Variants in EPM2A observed in about 807,000 individuals in gnomAD.
The protein encoded by EPM2A is laforin.
In EPM2A, 21 loss-of-function variants were observed where a neutral mutation model predicts 26.5. The ratio of observed to expected loss-of-function variants is 0.79; its 90% confidence interval spans 0.56 to 1.14. EPM2A has a LOEUF of 1.14. Ranked by LOEUF, EPM2A falls within the 50% of genes most tolerant of loss-of-function variation. The pLI, the probability that EPM2A is intolerant of heterozygous loss-of-function variation, is 0.00. For synonymous variants in EPM2A, 217 were observed against 177.6 expected, an observed-to-expected ratio of 1.22 and a Z score of -1.76; for missense variants, 458 against 440.8, an observed-to-expected ratio of 1.04 and a Z score of -0.35.
chr6:145,507,068 A>T (rs1342646380), intron 2 of EPM2A, among the ~76,000 whole-genome samples: 1 of 152,230 alleles, frequency 6.6e-6, no homozygotes, highest in Non-Finnish European at 1.5e-5. Context: ...CACCCAGCCA[A>T]GACTGTGGTT....
At chr6:145,450,055 T>G (rs920873181) in intron 4 of EPM2A, among the ~76,000 whole-genome samples, 1 of 151,856 alleles carries the variant, frequency 6.6e-6, no homozygotes, top group Admixed American at 6.6e-5. Flanking sequence ...AAAGAGGATG[T>G]AGAAAAACTG....
rs1780006048 is a variant in EPM2A at position 145,508,259 on chromosome 6, C to T, written c.341-5684G>A. Among the ~76,000 whole-genome samples, 4 of 152,204 alleles carry T rather than the reference C, an allele frequency of 2.6e-5. No individual in the cohort carries two copies. In the South Asian group the frequency reaches 8.3e-4, roughly 32 times the overall value. ...TGGGCTTCTCCATTGGCTCTACCCC[C>T]ACCAAAGGTGAGCATGAGCTGAGGG... On this transcript the variant is annotated intron_variant, in intron 2 of 3. Transcript: ENST00000450221.
intron 2 of EPM2A, among the ~76,000 whole-genome samples, chr6:145,504,355 G>C (rs1779939256): frequency 8.8e-6 from 1 of 113,452 alleles, no homozygotes; most frequent in Admixed American, 8.8e-5. Context: ...TCTGACAAAG[G>C]GCTAATATCC....
At chr6:145,590,620 T>C (rs1781260966) in intron 2 of EPM2A, among the ~76,000 whole-genome samples, 1 of 152,126 alleles carries the variant, frequency 6.6e-6, no homozygotes, top group Non-Finnish European at 1.5e-5. Flanking sequence ...TGCAAGCCAC[T>C]GACTTAAGGT....
chr6:145,698,703 T>C lies in EPM2A; in HGVS notation c.302-12407A>G, dbSNP rs188465118. ...GAATATCCCATTGTTATGGACTGTA[T>C]TGTGTCTCCCCCACCCCAAAATTTA... On this transcript the variant is annotated intron_variant, in intron 1 of 3. Transcript: ENST00000367519. Among the ~76,000 whole-genome samples, 165 of 152,280 alleles carry C rather than the reference T, an allele frequency of 1.1e-3. 2 individuals are homozygous for C. Among genetic ancestry groups the C allele is most frequent in the Admixed American group, 3.4e-3 (52 of 15,298 alleles).
intron 4 of EPM2A, among the ~76,000 whole-genome samples, chr6:145,458,155 T>C (rs1382208462): frequency 1.3e-5 from 2 of 152,360 alleles, no homozygotes; most frequent in East Asian, 1.9e-4. Flanking sequence ...TTTACTTAAG[T>C]ATATGTCCCT....
At chr6:145,703,669 T>C (rs751694764) in intron 1 of EPM2A, among the ~76,000 whole-genome samples, 3 of 152,242 alleles carry the variant, frequency 2.0e-5, no homozygotes, top group Non-Finnish European at 2.9e-5. Flanking sequence ...CTGATCTTCA[T>C]GCTGTAGGAT....
intron 1 of EPM2A, among the ~76,000 whole-genome samples, chr6:145,708,982 G>C (rs1378005674): frequency 6.6e-6 from 1 of 152,310 alleles, no homozygotes; most frequent in East Asian, 1.9e-4. Flanking sequence ...TTTAATGACT[G>C]TCCTATTGGT....
rs1005034915 is a variant in EPM2A, at chr6:145,520,243, C to G, written c.341-17668G>C. On this transcript the variant is annotated intron_variant, in intron 2 of 3. Transcript: ENST00000450221. The stretch of plus-strand genomic sequence containing the variant: ...CTGTACTTTTTCTCTTTTCCATTCA[C>G]TTTTCTGCCTGTTGCATCTGCCTGC... Among the ~76,000 whole-genome samples, 27 of 152,260 alleles carry G rather than the reference C, an allele frequency of 1.8e-4. 1 individual carries two copies. The highest frequency in any genetic ancestry group is 2.6e-4 in the Non-Finnish European group (18 of 68,002).
intron 4 of EPM2A, among the ~76,000 whole-genome samples, chr6:145,453,363 C>G (rs1312008635): frequency 6.6e-6 from 1 of 152,012 alleles, no homozygotes; most frequent in Non-Finnish European, 1.5e-5. Flanking sequence ...CAGATGATTC[C>G]CCATTCCCTG....
chr6:145,711,422 A>T (rs1387362876), intron 1 of EPM2A, among the ~76,000 whole-genome samples: 1 of 152,202 alleles, frequency 6.6e-6, no homozygotes, highest in Non-Finnish European at 1.5e-5. Flanking sequence ...ACAGAGATTG[A>T]TAATGAGTTG....
chr6:145,697,488 C>T (rs1781668028), intron 1 of EPM2A, among the ~76,000 whole-genome samples: 1 of 152,142 alleles, frequency 6.6e-6, no homozygotes, highest in Non-Finnish European at 1.5e-5. Flanking sequence ...TGAGAGCAGA[C>T]AACTGGTCTG....
downstream of EPM2A, among the ~76,000 whole-genome samples, chr6:145,497,590 G>A (rs545672785): frequency 1.3e-3 from 63 of 47,730 alleles, no homozygotes; most frequent in African/African-American, 4.0e-3. Flanking sequence ...CTGTTGTATT[G>A]CTTCCGTCTG....
intron 4 of EPM2A, among the ~76,000 whole-genome samples, chr6:145,385,520 G>A (rs1392248478): frequency 6.6e-6 from 1 of 152,134 alleles, no homozygotes; most frequent in Admixed American, 6.5e-5. Flanking sequence ...TACCAAATCT[G>A]GTTGTGATTG....
chr6:145,649,596 G>A (rs1777729069), intron 2 of EPM2A, among the ~76,000 whole-genome samples: 1 of 152,134 alleles, frequency 6.6e-6, no homozygotes, highest in Non-Finnish European at 1.5e-5. Context: ...GGGGAAACCT[G>A]GACCACATGA....
intron 1 of EPM2A, among the ~76,000 whole-genome samples, chr6:145,718,879 T>C (rs1050030152): frequency 5.9e-5 from 9 of 152,058 alleles, no homozygotes; most frequent in Admixed American, 2.6e-4. Flanking sequence ...AAAATGCTCA[T>C]CATCACTGGC....
chr6:145,532,227 A>AG (rs1780367558), intron 2 of EPM2A, among the ~76,000 whole-genome samples: 1 of 152,152 alleles, frequency 6.6e-6, no homozygotes, highest in South Asian at 2.1e-4. Context: ...AAAACAGAAA[A>AG]GGGGGAGATG....
intron 4 of EPM2A, among the ~76,000 whole-genome samples, chr6:145,466,339 A>C (rs1016969926): frequency 6.6e-6 from 1 of 152,200 alleles, no homozygotes; most frequent in Non-Finnish European, 1.5e-5. Flanking sequence ...AAAGGACATG[A>C]ACAGACACTT....
chr6:145,735,111 C>A, intron 1 of EPM2A, 87 bp downstream of exon 1: 10 of 1,000,140 alleles, frequency 1.0e-5, no homozygotes, highest in Non-Finnish European at 1.1e-5. Context: ...CCGGGGCCTG[C>A]GGGGCCTGCC....
Sources: gnomAD v4.1 joint callset for allele counts (sites outside exome capture counted in the v4.1 genomes callset) on GRCh38, gnomAD v4.1.1 for gene constraint, MANE v1.5 for transcripts, NCBI Gene and HGNC (gene_info 2026-07-23, HGNC 2026-07-21) for gene names.